Variants in SEPTIN9 observed in about 807,000 individuals in gnomAD.
SEPTIN9 encodes septin 9.
In SEPTIN9, 13 loss-of-function variants were observed where a neutral mutation model predicts 56.6. The ratio of observed to expected loss-of-function variants is 0.23; its 90% CI spans 0.15 to 0.37. The LOEUF is 0.37. SEPTIN9 is among the 10% of genes least tolerant of loss of function. The probability of loss-of-function intolerance (pLI) is 1.00; values close to 1 mark genes in which losing one functional copy is unlikely to be tolerated. For missense variants in SEPTIN9, 650 were observed against 823.1 expected, an observed-to-expected ratio of 0.79 and a Z score of 2.57; for synonymous variants, 332 against 334.1, an observed-to-expected ratio of 0.99 and a Z score of 0.07.
intron 2 of SEPTIN9, chr17:77,376,396 A>C (rs1568022820): frequency 1.0e-6 from 1 of 985,458 alleles, no homozygotes; most frequent in Non-Finnish European, 1.2e-6. Flanking sequence ...TGGTTCCTGC[A>C]AGGTAGGCCG....
rs369160943 is a variant in SEPTIN9, at chr17:77,369,291, G to A, written c.77-32768G>A. Among the ~76,000 whole-genome samples, 14 of 152,304 alleles carry A rather than the reference G, an allele frequency of 9.2e-5. No homozygotes were observed. The highest frequency in any genetic ancestry group is 3.1e-4 in the African/African-American group (13 of 41,566). Reference sequence around the variant, plus strand: ...CAGGAATATTGACACCACAGGAATAGGCAAGCGCTACAAATCGGGAAACTG... The same window carrying A: ...CAGGAATATTGACACCACAGGAATAAGCAAGCGCTACAAATCGGGAAACTG... On this transcript the variant is annotated intron_variant, in intron 2 of 11. Transcript: ENST00000427177. This position sits in a 1 kb window ranked among gnomAD's most constrained non-coding sequence, Gnocchi z 4.9.
At chr17:77,397,939 G>A (rs1009907156) in intron 2 of SEPTIN9, among the ~76,000 whole-genome samples, 9 of 152,078 alleles carry the variant, frequency 5.9e-5, no homozygotes, top group Non-Finnish European at 1.2e-4. Context: ...TGGGATTACA[G>A]GCATGAGCCA....
rs748799902 is a variant in SEPTIN9, at chr17:77,488,708, G to A, written c.1125-19G>A. 9.9e-6 allele frequency: 16 copies of A among 1,613,328 alleles called. No individual in the cohort carries two copies. The South Asian group carries it at 1.6e-4, about 17-fold the overall frequency. On this transcript the variant is annotated intron_variant, in intron 6 of 11. Transcript: ENST00000427177. ...GGGCATCTCATGTGCCTGCTGACTC[G>A]TCCCCATCCCCCACGCAGCTGGCAG...
Position 77,411,401 on chromosome 17 carries a change from T to C in SEPTIN9, c.721+8698T>C, listed in dbSNP as rs566211320. 3.6e-4 allele frequency among the ~76,000 whole-genome samples: 55 copies of C among 150,948 alleles called. No individual in the cohort carries two copies. The East Asian group carries it at 5.0e-3, about 14-fold the overall frequency. Reference sequence around the variant, plus strand: ...AGCACGTTCCTTTTTCTTTTTCTTTTTTTTTTTTTTTGACAGAGCGTGGCC... The same window carrying C: ...AGCACGTTCCTTTTTCTTTTTCTTTCTTTTTTTTTTTGACAGAGCGTGGCC... On this transcript the variant is annotated intron_variant, in intron 3 of 11. Coordinates refer to ENST00000427177, the MANE Select transcript of SEPTIN9 (RefSeq NM_001113491.2).
chr17:77,386,954 T>A (rs1345471809), intron 2 of SEPTIN9, among the ~76,000 whole-genome samples: 2 of 152,202 alleles, frequency 1.3e-5, no homozygotes, highest in Non-Finnish European at 2.9e-5. Context: ...AGAGAAGCTG[T>A]GACCACACAG....
rs932055753 is a variant in SEPTIN9, at chr17:77,317,577, C to T, written c.76+10380C>T. Among the ~76,000 whole-genome samples, 1 of 152,010 alleles carries T rather than the reference C, an allele frequency of 6.6e-6. No individual in the cohort carries two copies. The highest frequency in any genetic ancestry group is 6.6e-5 in the Admixed American group (1 of 15,258). ...GTCTCCCATCACCACCAGATGGGAC[C>T]GTCTGGTTGCAGGAAAATAAGCTCA... is the stretch of plus-strand genomic sequence containing the variant. On this transcript the variant is annotated intron_variant, in intron 2 of 11. Coordinates refer to ENST00000427177, the MANE Select transcript of SEPTIN9 (RefSeq NM_001113491.2). This position sits in a 1 kb window ranked among gnomAD's most constrained non-coding sequence, Gnocchi z 4.2.
intron 2 of SEPTIN9, chr17:77,376,997 G>C (rs1316818278): frequency 6.6e-6 from 1 of 152,242 alleles, no homozygotes; most frequent in Non-Finnish European, 1.5e-5. Context: ...CGCTGTTCAG[G>C]CCGGGTCCTT....
At chr17:77,409,736 C>T (rs976347865) in intron 3 of SEPTIN9, among the ~76,000 whole-genome samples, 2 of 152,184 alleles carry the variant, frequency 1.3e-5, no homozygotes, top group South Asian at 2.1e-4. Context: ...GGACAGCTGC[C>T]GGGATTGAGG....
At chr17:77,394,186 C>T (rs1460171017) in intron 2 of SEPTIN9, among the ~76,000 whole-genome samples, 1 of 152,148 alleles carries the variant, frequency 6.6e-6, no homozygotes, top group Admixed American at 6.5e-5. Flanking sequence ...TGCCTGACTA[C>T]CCACCCCACC....
Position 77,310,027 on chromosome 17 carries a change from G to A in SEPTIN9, c.76+2830G>A, listed in dbSNP as rs2032428818. Among the ~76,000 whole-genome samples the A allele has an allele frequency of 6.6e-6, 1 of 151,674 alleles. No homozygotes were observed. Among genetic ancestry groups the A allele is most frequent in the Non-Finnish European group, 1.5e-5 (1 of 67,956 alleles). ...AGAGTCTCGCTCTATCGCCCAGGCT[G>A]GAGTGCAGTGGCACCATCTCGGCTC... On this transcript the variant is annotated intron_variant, in intron 2 of 11. Coordinates refer to ENST00000427177, the MANE Select transcript of SEPTIN9 (RefSeq NM_001113491.2). This position sits in a 1 kb window ranked among gnomAD's most constrained non-coding sequence, Gnocchi z 4.7.
intron 2 of SEPTIN9, among the ~76,000 whole-genome samples, chr17:77,361,756 C>T (rs1055267754): frequency 5.3e-5 from 8 of 152,174 alleles, no homozygotes; most frequent in African/African-American, 9.7e-5. Context: ...CCTCAGCCTC[C>T]GGAGTAGCTG....
chr17:77,282,594 C>CA (rs1161384625), intron 1 of SEPTIN9, among the ~76,000 whole-genome samples: 1 of 152,174 alleles, frequency 6.6e-6, no homozygotes, highest in Non-Finnish European at 1.5e-5. Flanking sequence ...ATTTAGGAAC[C>CA]AAAATGAGTG....
intron 2 of SEPTIN9, chr17:77,376,025 G>C: frequency 1.1e-6 from 1 of 872,928 alleles, no homozygotes; most frequent in Non-Finnish European, 1.4e-6. Context: ...GGGGTGATGT[G>C]GACAGGCAGC....
chr17:77,424,359 T>A (rs1400157926), intron 3 of SEPTIN9, among the ~76,000 whole-genome samples: 2 of 152,270 alleles, frequency 1.3e-5, no homozygotes, highest in African/African-American at 4.8e-5. Context: ...TGCCACTGTT[T>A]GAGCCTCTGG....
chr17:77,494,257 T>TG lies in SEPTIN9; in HGVS notation c.1573+1187dup, dbSNP rs559393443. On this transcript the variant is annotated intron_variant, in intron 10 of 11. Coordinates refer to ENST00000427177, the MANE Select transcript of SEPTIN9 (RefSeq NM_001113491.2). The stretch of plus-strand genomic sequence containing the variant: ...ATGTCTTTGAATGGATGGGAGCCCC[T>TG]GGGGGGCCACAGTTCAACCCACTCC... Among the ~76,000 whole-genome samples the TG allele has an allele frequency of 1.1e-3, 162 of 152,322 alleles. 1 individual carries two copies. Among genetic ancestry groups the TG allele is most frequent in the African/African-American group, 3.6e-3 (148 of 41,576 alleles).
chr17:77,493,897 C>T (rs995630029), intron 10 of SEPTIN9, among the ~76,000 whole-genome samples: 5 of 151,968 alleles, frequency 3.3e-5, no homozygotes, highest in Admixed American at 2.6e-4. Flanking sequence ...CTCAGCCTCC[C>T]GAGTATCTGG....
At chr17:77,461,434 C>G (rs1402730176) in intron 3 of SEPTIN9, among the ~76,000 whole-genome samples, 2 of 152,170 alleles carry the variant, frequency 1.3e-5, no homozygotes, top group African/African-American at 4.8e-5. Context: ...CACCCTTGGG[C>G]TACAGAATTG....
chr17:77,320,292 C>A (rs534680384), intron 2 of SEPTIN9: 3 of 1,611,904 alleles, frequency 1.9e-6, no homozygotes, highest in Non-Finnish European at 1.7e-6. Flanking sequence ...AGCGGGACGC[C>A]GGGACTCCCG....
chr17:77,362,523 A>G (rs1490168345), intron 2 of SEPTIN9, among the ~76,000 whole-genome samples: 2 of 152,032 alleles, frequency 1.3e-5, no homozygotes, highest in African/African-American at 2.4e-5. Context: ...TCTCTAATTT[A>G]TTTTGTTCCC....
Sources: gnomAD v4.1 joint callset for allele counts (sites outside exome capture counted in the v4.1 genomes callset) on GRCh38, gnomAD v4.1.1 for gene constraint, Gnocchi (gnomAD v3.1) non-coding constraint, MANE v1.5 for transcripts, NCBI Gene and HGNC (gene_info 2026-07-23, HGNC 2026-07-21) for gene names.